The following ST8SIA1 variants were observed in gnomAD, a reference collection of about 807,000 sequenced individuals.
The protein encoded by ST8SIA1 is ST8 alpha-N-acetyl-neuraminide alpha-2,8-sialyltransferase 1, also known as alpha-N-acetylneuraminide alpha-2,8-sialyltransferase.
ST8SIA1 carries 16 observed loss-of-function variants against 35.9 expected under a neutral mutation model. The ratio of observed to expected loss-of-function variants is 0.45; its 90% CI spans 0.30 to 0.68. ST8SIA1 has a LOEUF of 0.68. ST8SIA1 is among the 30% of genes least tolerant of loss of function. The probability of loss-of-function intolerance (pLI) is 0.09; values close to 1 mark genes in which losing one functional copy is unlikely to be tolerated. For synonymous variants in ST8SIA1, 170 were observed against 169.6 expected, an observed-to-expected ratio of 1.00 and a Z score of -0.02; for missense variants, 383 against 453.6, an observed-to-expected ratio of 0.84 and a Z score of 1.41.
intron 3 of ST8SIA1, among the ~76,000 whole-genome samples, chr12:22,250,517 T>A (rs1338608478): frequency 7.9e-5 from 12 of 152,242 alleles, no homozygotes; most frequent in Non-Finnish European, 1.5e-4. Flanking sequence ...TTCAACCATA[T>A]GTCTAACTTG....
At chr12:22,207,835 T>A (rs1324195295) in intron 4 of ST8SIA1, among the ~76,000 whole-genome samples, 1 of 152,016 alleles carries the variant, frequency 6.6e-6, no homozygotes, top group Non-Finnish European at 1.5e-5. Flanking sequence ...AAATATATTA[T>A]TTAAAACACA....
intron 4 of ST8SIA1, among the ~76,000 whole-genome samples, chr12:22,247,195 C>G (rs1208841508): frequency 6.7e-6 from 1 of 150,192 alleles, no homozygotes; most frequent in African/African-American, 2.4e-5. Flanking sequence ...TTTTCACATT[C>G]CTTTTTAAAT....
intron 1 of ST8SIA1, among the ~76,000 whole-genome samples, chr12:22,309,924 G>A (rs1866429499): frequency 1.3e-5 from 2 of 152,122 alleles, no homozygotes; most frequent in South Asian, 4.1e-4. Context: ...ACAATCCTAT[G>A]AATTAGGTAC....
chr12:22,243,976 G>C (rs1391440863), intron 4 of ST8SIA1, among the ~76,000 whole-genome samples: 1 of 151,844 alleles, frequency 6.6e-6, no homozygotes, highest in Non-Finnish European at 1.5e-5. Flanking sequence ...GTTGCAGTGA[G>C]CCAAGATCGC....
At chr12:22,274,186 G>A (rs895533712) in intron 2 of ST8SIA1, among the ~76,000 whole-genome samples, 2 of 152,196 alleles carry the variant, frequency 1.3e-5, no homozygotes, top group African/African-American at 4.8e-5. Context: ...GGAGCCACAG[G>A]AAGAGATCAA....
intron 2 of ST8SIA1, among the ~76,000 whole-genome samples, chr12:22,261,058 T>C (rs1865785655): frequency 6.6e-6 from 1 of 151,820 alleles, no homozygotes; most frequent in Non-Finnish European, 1.5e-5. Context: ...TGTTTTTTGT[T>C]TGTAGACACG....
chr12:22,215,649 T>G (rs1052336692), intron 4 of ST8SIA1, among the ~76,000 whole-genome samples: 1 of 152,200 alleles, frequency 6.6e-6, no homozygotes, highest in Non-Finnish European at 1.5e-5. Flanking sequence ...ATATCTATTG[T>G]GACAACCACA....
intron 4 of ST8SIA1, among the ~76,000 whole-genome samples, chr12:22,237,789 T>C (rs1033725757): frequency 1.1e-4 from 17 of 151,978 alleles, no homozygotes; most frequent in Admixed American, 4.6e-4. Context: ...AGAAAAATCA[T>C]GAAAAGTCTA....
chr12:22,321,007 A>AAAG (rs1565596039), intron 1 of ST8SIA1, among the ~76,000 whole-genome samples: 5 of 78,950 alleles, frequency 6.3e-5, no homozygotes, highest in African/African-American at 1.1e-4. Context: ...AAGAAAGAAG[A>AAAG]AAGAAAGAAA....
intron 4 of ST8SIA1, among the ~76,000 whole-genome samples, chr12:22,228,946 C>T (rs1273051143): frequency 6.6e-6 from 1 of 150,512 alleles, no homozygotes; most frequent in African/African-American, 2.4e-5. Flanking sequence ...CCCAGCTACT[C>T]AGGAGGATGA....
At chr12:22,298,654 T>C (rs948906588) in intron 1 of ST8SIA1, among the ~76,000 whole-genome samples, 2 of 152,218 alleles carry the variant, frequency 1.3e-5, no homozygotes, top group African/African-American at 4.8e-5. Context: ...CTATAAATGA[T>C]CATAGACATA....
Position 22,309,391 on chromosome 12 carries a change from A to G in ST8SIA1, c.237-22098T>C, listed in dbSNP as rs1421167417. Among the ~76,000 whole-genome samples, 4 of 152,118 alleles carry G rather than the reference A, an allele frequency of 2.6e-5. No individual in the cohort carries two copies. In the East Asian group the frequency reaches 7.7e-4, roughly 29 times the overall value. ...GTTTTGGCCAGTCTATGGAGAATGC[A>G]CAGTAAGGGTCTTTGTGTCCTCTGC... On this transcript the variant is annotated intron_variant, in intron 1 of 4. Coordinates refer to ENST00000396037, the MANE Select transcript of ST8SIA1 (RefSeq NM_003034.4).
intron 2 of ST8SIA1, among the ~76,000 whole-genome samples, chr12:22,283,538 G>A (rs1388556956): frequency 2.0e-5 from 3 of 152,158 alleles, no homozygotes; most frequent in Admixed American, 6.5e-5. Context: ...CCATCACACC[G>A]TCCTCCCCAA....
At chr12:22,326,158 T>C (rs1866677079) in intron 1 of ST8SIA1, 1 of 380,850 alleles carries the variant, frequency 2.6e-6, no homozygotes, top group South Asian at 5.9e-5. Context: ...ATTTGTTAAT[T>C]AGATTAACAA....
At chr12:22,271,128 G>T (rs1288274007) in intron 2 of ST8SIA1, among the ~76,000 whole-genome samples, 3 of 152,128 alleles carry the variant, frequency 2.0e-5, no homozygotes, top group Non-Finnish European at 4.4e-5. Context: ...TGTTTCATCA[G>T]CAGTGGCTTT....
chr12:22,206,433 T>C (rs1269772669), intron 4 of ST8SIA1, among the ~76,000 whole-genome samples: 2 of 152,182 alleles, frequency 1.3e-5, no homozygotes, highest in Admixed American at 6.5e-5. Flanking sequence ...CCAGGTGGGC[T>C]GAACCCTAAA....
At chr12:22,266,918 C>T (rs906848749) in intron 2 of ST8SIA1, among the ~76,000 whole-genome samples, 6 of 152,014 alleles carry the variant, frequency 3.9e-5, no homozygotes, top group African/African-American at 1.5e-4. Flanking sequence ...AGTGGGCACC[C>T]TTCCCCAATT....
At chr12:22,216,779 G>A (rs1355787330) in intron 4 of ST8SIA1, among the ~76,000 whole-genome samples, 2 of 152,124 alleles carry the variant, frequency 1.3e-5, no homozygotes, top group Non-Finnish European at 2.9e-5. Context: ...AATGAAATGA[G>A]TGAATTTCTA....
At chr12:22,271,642 A>T (rs1591840503) in intron 2 of ST8SIA1, among the ~76,000 whole-genome samples, 1 of 152,356 alleles carries the variant, frequency 6.6e-6, no homozygotes, top group East Asian at 1.9e-4. Flanking sequence ...TCTGGAACTT[A>T]GAAATCATTC....
Sources: gnomAD v4.1 joint callset for allele counts (sites outside exome capture counted in the v4.1 genomes callset) on GRCh38, gnomAD v4.1.1 for gene constraint, MANE v1.5 for transcripts, NCBI Gene and HGNC (gene_info 2026-07-23, HGNC 2026-07-21) for gene names.